The following SPIRE1 variants were observed in gnomAD, a reference collection of about 807,000 sequenced individuals.
SPIRE1 encodes the protein protein spire homolog 1.
In SPIRE1, 40 loss-of-function variants were observed where a neutral mutation model predicts 94.1. That is an observed-to-expected ratio of 0.43 (90% CI 0.33 to 0.55). The LOEUF (loss-of-function observed/expected upper bound fraction) is 0.55, where lower values mean the gene tolerates loss of function less well. SPIRE1 is among the 20% of genes least tolerant of loss of function. SPIRE1 has a pLI of 0.06. For missense variants in SPIRE1, 838 were observed against 975.2 expected, an observed-to-expected ratio of 0.86 and a Z score of 1.87; for synonymous variants, 376 against 371.7, an observed-to-expected ratio of 1.01 and a Z score of -0.13.
intron 14 of SPIRE1, 27 bp downstream of exon 14, chr18:12,453,041 C>A: frequency 7.0e-7 from 1 of 1,438,382 alleles, no homozygotes; most frequent in Non-Finnish European, 9.5e-7. Flanking sequence ...TTAAATTTAT[C>A]TTTTCATCAA....
Position 12,464,778 on chromosome 18 carries a change from A to T in SPIRE1, c.1495+90T>A, listed in dbSNP as rs138576776. 9.7e-4 allele frequency: 993 copies of T among 1,021,974 alleles called. 4 individuals are homozygous for T. The highest frequency in any genetic ancestry group is 9.4e-3 in the East Asian group (387 of 41,082). 63.3% of individuals were successfully genotyped at this position (1,021,974 alleles called of 1,614,324 possible). On this transcript the variant is annotated intron_variant, in intron 11 of 16. Transcript: ENST00000409402. ...GAGTTAGTTCTTTCTACCCTAGATG[A>T]TCACAGGGCGCTCTGGGATCTCTGC...
intron 9 of SPIRE1, among the ~76,000 whole-genome samples, chr18:12,481,045 T>C (rs906740505): frequency 6.6e-6 from 1 of 152,024 alleles, no homozygotes; most frequent in Non-Finnish European, 1.5e-5. Context: ...AAAACAAGAA[T>C]GTGGCCCGGC....
intron 2 of SPIRE1, among the ~76,000 whole-genome samples, chr18:12,612,108 C>A (rs2071992600): frequency 6.6e-6 from 1 of 152,078 alleles, no homozygotes; most frequent in Non-Finnish European, 1.5e-5. Context: ...AGCCTTTTGC[C>A]CTCACGCTAC....
intron 1 of SPIRE1, among the ~76,000 whole-genome samples, chr18:12,636,510 G>A (rs949176262): frequency 8.8e-6 from 1 of 113,336 alleles, no homozygotes; most frequent in Non-Finnish European, 2.1e-5. Context: ...TTTGAAATGA[G>A]TTGGTTGAAA....
At chr18:12,626,886 A>ATATATATATATATATTT (rs55915333) in intron 2 of SPIRE1, among the ~76,000 whole-genome samples, 11 of 111,896 alleles carry the variant, frequency 9.8e-5, no homozygotes, top group South Asian at 6.9e-4. Context: ...ATATATATAT[A>ATATATATATATATATTT]TTTTTTTTTT....
At chr18:12,532,757 C>T (rs1056974012) in intron 4 of SPIRE1, among the ~76,000 whole-genome samples, 3 of 152,112 alleles carry the variant, frequency 2.0e-5, no homozygotes, top group African/African-American at 7.2e-5. Flanking sequence ...TCAAGAAAAC[C>T]TTATACATTG....
At chr18:12,487,803 T>C (rs2033093203) in intron 8 of SPIRE1, among the ~76,000 whole-genome samples, 1 of 152,216 alleles carries the variant, frequency 6.6e-6, no homozygotes, top group South Asian at 2.1e-4. Context: ...GTGAATTTTA[T>C]GGTATATAAA....
At position 12,603,537 on chromosome 18, in the gene SPIRE1, G is replaced by C. The variant is rs977183858; in HGVS notation, c.372+31525C>G. On this transcript the variant is annotated intron_variant, in intron 2 of 16. Coordinates refer to ENST00000409402, the MANE Select transcript of SPIRE1 (RefSeq NM_001128626.2). ...CTTTCAGCACCAACTCCAAAGAGGG[G>C]AGAGAGGCTGACGTCTGAGCTGATC... Among the ~76,000 whole-genome samples, 20 of 152,086 alleles carry C rather than the reference G, an allele frequency of 1.3e-4. No individual in the cohort carries two copies. The East Asian group carries it at 3.9e-3, about 29-fold the overall frequency.
intron 6 of SPIRE1, among the ~76,000 whole-genome samples, chr18:12,505,455 G>C (rs1379568331): frequency 1.3e-5 from 2 of 152,046 alleles, no homozygotes; most frequent in Non-Finnish European, 2.9e-5. Flanking sequence ...AGGAGGCTGA[G>C]GTGGGAGGAT....
chr18:12,461,608 TAC>T (rs1210472722), intron 12 of SPIRE1, among the ~76,000 whole-genome samples: 37 of 150,850 alleles, frequency 2.5e-4, no homozygotes, highest in Middle Eastern at 6.8e-3. Context: ...CACACACATA[TAC>T]ACACACATAC....
chr18:12,634,030 C>T (rs2037852226), intron 2 of SPIRE1, among the ~76,000 whole-genome samples: 2 of 151,990 alleles, frequency 1.3e-5, no homozygotes, highest in Admixed American at 6.6e-5. Context: ...GGGCGGATCA[C>T]GAGGTCAGGA....
At chr18:12,661,399 C>A (rs2038693338), upstream of SPIRE1, 1 of 976,570 alleles carries the variant, frequency 1.0e-6, no homozygotes, top group Non-Finnish European at 1.2e-6. Context: ...GGCTACCAGC[C>A]ATTGATATCT....
At chr18:12,581,597 C>T (rs530103359) in intron 2 of SPIRE1, among the ~76,000 whole-genome samples, 3 of 152,280 alleles carry the variant, frequency 2.0e-5, no homozygotes, top group African/African-American at 7.2e-5. Context: ...GGCACGGTGG[C>T]TCATGCCCGT....
intron 2 of SPIRE1, among the ~76,000 whole-genome samples, chr18:12,552,739 C>G (rs2035389011): frequency 6.6e-6 from 1 of 152,150 alleles, no homozygotes; most frequent in African/African-American, 2.4e-5. Flanking sequence ...TCACAACCCT[C>G]TCACGTGGAC....
chr18:12,531,643 C>G (rs961440933), intron 4 of SPIRE1, among the ~76,000 whole-genome samples: 1 of 151,988 alleles, frequency 6.6e-6, no homozygotes, highest in African/African-American at 2.4e-5. Flanking sequence ...TTACAAGGAT[C>G]AAATGGAGTA....
chr18:12,542,165 G>A (rs900537466), intron 3 of SPIRE1, among the ~76,000 whole-genome samples: 2 of 151,928 alleles, frequency 1.3e-5, no homozygotes, highest in Non-Finnish European at 2.9e-5. Flanking sequence ...TTTTAGTAGA[G>A]ACGGGGTTTC....
intron 2 of SPIRE1, among the ~76,000 whole-genome samples, chr18:12,571,935 T>C (rs1450040908): frequency 6.6e-6 from 1 of 152,156 alleles, no homozygotes; most frequent in Non-Finnish European, 1.5e-5. Flanking sequence ...CGAGAAGGTG[T>C]CATGGGAGCA....
chr18:12,522,938 AAGGAATAATTTTTAC>A (rs1362736567), intron 4 of SPIRE1, among the ~76,000 whole-genome samples: 14 of 152,336 alleles, frequency 9.2e-5, no homozygotes, highest in African/African-American at 3.4e-4. Context: ...CCCATGGACC[AAGGAATAATTTTTAC>A]TTGCAAGTCA....
chr18:12,477,732 C>T (rs1354660453), intron 10 of SPIRE1, among the ~76,000 whole-genome samples: 1 of 152,104 alleles, frequency 6.6e-6, no homozygotes, highest in Non-Finnish European at 1.5e-5. Flanking sequence ...AAAGCGAGGC[C>T]ACGCTGACTC....
Sources: gnomAD v4.1 joint callset for allele counts (sites outside exome capture counted in the v4.1 genomes callset) on GRCh38, gnomAD v4.1.1 for gene constraint, MANE v1.5 for transcripts, NCBI Gene and HGNC (gene_info 2026-07-23, HGNC 2026-07-21) for gene names.